Variants in CHD2 observed in about 807,000 individuals in gnomAD.
CHD2 encodes chromodomain helicase DNA binding protein 2, also known as ATP-dependent chromatin remodeler CHD2.
A neutral mutation model predicts 243.9 loss-of-function variants in CHD2; 28 were observed. The ratio of observed to expected loss-of-function variants is 0.11; its 90% CI spans 0.09 to 0.16. The LOEUF is 0.16. CHD2 is among the 10% of genes least tolerant of loss of function. The pLI, the probability that CHD2 is intolerant of heterozygous loss-of-function variation, is 1.00. For missense variants in CHD2, 1,386 were observed against 2,209.8 expected (o/e 0.63, Z 7.47); for synonymous variants, 775 against 779.0 (o/e 0.99, Z 0.09).
chr15:92,922,700 G>GC (rs1596378096), intron 2 of CHD2, among the ~76,000 whole-genome samples: 2 of 152,152 alleles, frequency 1.3e-5, no homozygotes, highest in East Asian at 3.9e-4. Context: ...GTTTTTCCTT[G>GC]CCCCCCTCAG....
intron 2 of CHD2, among the ~76,000 whole-genome samples, chr15:92,915,770 G>A (rs907999620): frequency 6.6e-6 from 1 of 152,138 alleles, no homozygotes; most frequent in Non-Finnish European, 1.5e-5. Flanking sequence ...CTAAGCCAAA[G>A]GGAAAAGTCA....
At chr15:92,959,797 TG>T (rs1475167348) in intron 16 of CHD2, among the ~76,000 whole-genome samples, 1 of 152,246 alleles carries the variant, frequency 6.6e-6, no homozygotes, top group African/African-American at 2.4e-5. Flanking sequence ...CGGCCTAGAC[TG>T]CTTTTTAAAA....
Position 92,992,746 on chromosome 15 carries a change from CAAAGA to C in CHD2, c.3456-108_3456-104del, listed in dbSNP as rs2054137054. ...CCTTAGAATGACCACTAAAGGAACG[CAAAGA>C]AAAGTGTCTTTGCAGGAGAAGATTA... On this transcript the variant is annotated intron_variant, in intron 27 of 38. Coordinates refer to ENST00000394196, the MANE Select transcript of CHD2 (RefSeq NM_001271.4). 5.8e-6 allele frequency: 8 copies of C among 1,371,704 alleles called. No homozygotes were observed. In the South Asian group the frequency reaches 1.1e-4, roughly 18 times the overall value. The allele number at this position is 1,371,704 out of a possible 1,614,324, so 85.0% of individuals were successfully genotyped here. A position where few individuals can be genotyped will look rare whatever the true frequency, so the allele number is the denominator to read the frequency against.
At chr15:92,920,985 G>A (rs1237454541) in intron 2 of CHD2, among the ~76,000 whole-genome samples, 1 of 151,924 alleles carries the variant, frequency 6.6e-6, no homozygotes, top group Non-Finnish European at 1.5e-5. Flanking sequence ...GAGCTTTGGA[G>A]TGAGTCTTTC....
At position 93,027,969 on chromosome 15, in the gene CHD2, TAA is replaced by T. The variant is rs996765208; in HGVS notation, c.*3268_*3269del. ...TGCTGTACTTTTGATTCTTGTATAT[TAA>T]AAAGTGTTACTGAGCATTTTTAGAA... is the stretch of plus-strand genomic sequence containing the variant. On this transcript the variant is annotated 3_prime_UTR_variant, in exon 39 of 39. Transcript: ENST00000394196. 1.3e-5 allele frequency: 2 copies of T among 152,688 alleles called. No homozygotes were observed. The highest frequency in any genetic ancestry group is 4.8e-5 in the African/African-American group (2 of 41,474). 9.5% of individuals were successfully genotyped at this position (152,688 alleles called of 1,614,324 possible).
intron 19 of CHD2, chr15:92,974,638 G>A (rs868376052): frequency 1.3e-5 from 5 of 397,812 alleles, no homozygotes; most frequent in Non-Finnish European, 9.3e-6. Context: ...CTGATCCTTG[G>A]CTAAACCTGG....
At chr15:92,939,026 C>T (rs1056571019) in intron 6 of CHD2, among the ~76,000 whole-genome samples, 2 of 149,278 alleles carry the variant, frequency 1.3e-5, no homozygotes, top group African/African-American at 4.9e-5. Flanking sequence ...GAAATCCTTT[C>T]GTATTAGTAT....
At chr15:92,960,037 C>G (rs1446647619) in intron 16 of CHD2, among the ~76,000 whole-genome samples, 2 of 152,090 alleles carry the variant, frequency 1.3e-5, no homozygotes, top group African/African-American at 4.8e-5. Context: ...TTTAGATCTT[C>G]TATAATTTTT....
intron 20 of CHD2, among the ~76,000 whole-genome samples, chr15:92,977,547 C>T (rs2053926058): frequency 6.6e-6 from 1 of 152,150 alleles, no homozygotes; most frequent in Admixed American, 6.5e-5. Context: ...CTCCTGCCCC[C>T]ATATTTTTCT....
At chr15:92,943,204 AATTCT>A in intron 9 of CHD2, 136 bp downstream of exon 9, 3 of 672,386 alleles carry the variant, frequency 4.5e-6, no homozygotes, top group Non-Finnish European at 7.5e-6. Flanking sequence ...AGCCATTTAC[AATTCT>A]ATTTTATAAG....
intron 2 of CHD2, among the ~76,000 whole-genome samples, chr15:92,905,884 A>C (rs764487788): frequency 1.3e-5 from 2 of 152,204 alleles, no homozygotes; most frequent in Non-Finnish European, 1.5e-5. Flanking sequence ...ACAAGAACGA[A>C]AGTAATAATC....
rs2053935304 is a variant in CHD2, at chr15:92,978,306, A to G, written c.2650A>G (p.Ile884Val). ...TTTGGCTTCAGCGGACACAGTCGTC[A>G]TCTTTGACTCTGACTGGAACCCCCA... ...INLASADTVV[I>V]FDSDWNPQND... Residue 884 changes from isoleucine to valine, a missense_variant, in exon 21 of 39, where the codon ATC becomes GTC. By Grantham distance (29) the Ile-to-Val change is conservative. Coordinates refer to ENST00000394196, the MANE Select transcript of CHD2 (RefSeq NM_001271.4). 1 of 1,614,144 alleles carries G rather than the reference A, an allele frequency of 6.2e-7. No homozygotes were observed. The highest frequency in any genetic ancestry group is 8.5e-7 in the Non-Finnish European group (1 of 1,180,028).
At chr15:92,983,041 C>T (rs1176023212) in intron 24 of CHD2, among the ~76,000 whole-genome samples, 1 of 151,954 alleles carries the variant, frequency 6.6e-6, no homozygotes, top group African/African-American at 2.4e-5. Context: ...TCTTATCTTC[C>T]CATGGTAGAG....
In CHD2 at chr15:93,014,788, C is replaced by A. The variant is rs766522420; in HGVS notation, c.4785C>A (p.Ser1595=). Residue 1595 remains serine (S), a synonymous_variant, in exon 37 of 39, where the codon TCC becomes TCA. Coordinates refer to ENST00000394196, the MANE Select transcript of CHD2 (RefSeq NM_001271.4). The part of the protein sequence containing the change: ...GSSRDSLISQ[S]HTSHNLHPQK... Reference sequence around the variant, plus strand: ...GCCGGGACTCTCTGATATCTCAGTCCCATACCTCACACAACCTTCACCCTC... The same window carrying A: ...GCCGGGACTCTCTGATATCTCAGTCACATACCTCACACAACCTTCACCCTC... 6.2e-7 allele frequency: 1 copy of A among 1,614,132 alleles called. No individual in the cohort carries two copies. Among genetic ancestry groups the A allele is most frequent in the Non-Finnish European group, 8.5e-7 (1 of 1,180,022 alleles).
At chr15:92,989,380 G>T (rs888521327) in intron 26 of CHD2, among the ~76,000 whole-genome samples, 1 of 152,082 alleles carries the variant, frequency 6.6e-6, no homozygotes, top group African/African-American at 2.4e-5. Context: ...TGAAAAACTG[G>T]ACATTTTAAA....
intron 16 of CHD2, among the ~76,000 whole-genome samples, chr15:92,964,079 G>A (rs1356422875): frequency 6.6e-6 from 1 of 152,200 alleles, no homozygotes; most frequent in Non-Finnish European, 1.5e-5. Flanking sequence ...TTGGAAAAAT[G>A]TCATATATCC....
At chr15:92,953,749 C>T (rs1596405157) in intron 14 of CHD2, 176 bp downstream of exon 14, 1 of 614,100 alleles carries the variant, frequency 1.6e-6, no homozygotes, top group East Asian at 2.8e-5. Context: ...TGTTCTTTAA[C>T]AAATATGCTT....
At position 92,929,656 on chromosome 15, in the gene CHD2, A is replaced by AT. The variant is rs200602158; in HGVS notation, c.443+568dup. Among the ~76,000 whole-genome samples, 1,227 of 152,260 alleles carry AT rather than the reference A, an allele frequency of 8.1e-3. 56 individuals carry two copies. Among genetic ancestry groups the AT allele is most frequent in the Admixed American group, 0.069 (1,052 of 15,278 alleles). On this transcript the variant is annotated intron_variant, in intron 5 of 38. Coordinates refer to ENST00000394196, the MANE Select transcript of CHD2 (RefSeq NM_001271.4). ...AGTTCGATTTATATGATATGAAATTATTTGATTTTTTTTGAGAAATAATTT... is the reference window on the plus strand; with the variant it reads ...AGTTCGATTTATATGATATGAAATTATTTTGATTTTTTTTGAGAAATAATTT...
At chr15:92,969,956 CA>C (rs2053819612) in intron 17 of CHD2, among the ~76,000 whole-genome samples, 1 of 151,564 alleles carries the variant, frequency 6.6e-6, no homozygotes, top group African/African-American at 2.4e-5. Flanking sequence ...TTATATACCA[CA>C]AGAAGTGGAA....
Sources: allele counts gnomAD v4.1 joint callset (sites outside exome capture counted in the v4.1 genomes callset), GRCh38; gene constraint gnomAD v4.1.1; transcripts MANE v1.5; gene names NCBI Gene and HGNC (gene_info 2026-07-23, HGNC 2026-07-21).